The following NELL1 variants were observed in gnomAD, a reference collection of about 807,000 sequenced individuals.
NELL1 encodes protein kinase C-binding protein NELL1.
NELL1 carries 76 observed loss-of-function variants against 107.4 expected under a neutral mutation model. The ratio of observed to expected loss-of-function variants is 0.71; its 90% CI spans 0.59 to 0.86. The LOEUF (loss-of-function observed/expected upper bound fraction) is 0.86, where lower values mean the gene tolerates loss of function less well. Among genes scored for constraint, NELL1 ranks in the 40% least tolerant of loss-of-function variants. The probability of loss-of-function intolerance (pLI) is 0.00; values close to 1 mark genes in which losing one functional copy is unlikely to be tolerated. For missense variants in NELL1, 1,024 were observed against 1,005.5 expected, an observed-to-expected ratio of 1.02 and a Z score of -0.25; for synonymous variants, 353 against 341.2, an observed-to-expected ratio of 1.03 and a Z score of -0.38.
At chr11:21,115,683 A>G (rs1352329653) in intron 13 of NELL1, among the ~76,000 whole-genome samples, 1 of 151,852 alleles carries the variant, frequency 6.6e-6, no homozygotes, top group Non-Finnish European at 1.5e-5. Context: ...TCCCTCCCCT[A>G]TTAGAATGTA....
intron 12 of NELL1, among the ~76,000 whole-genome samples, chr11:20,995,422 T>G (rs1274883973): frequency 1.3e-5 from 2 of 151,852 alleles, no homozygotes; most frequent in Non-Finnish European, 2.9e-5. Flanking sequence ...ACTAAAAATA[T>G]AAAAAATTAG....
chr11:21,444,492 C>G (rs1853369101), intron 15 of NELL1, among the ~76,000 whole-genome samples: 1 of 152,032 alleles, frequency 6.6e-6, no homozygotes, highest in African/African-American at 2.4e-5. Context: ...TGGATATTAG[C>G]ATTATTTTGA....
chr11:20,959,149 T>C (rs1373225763), intron 11 of NELL1, among the ~76,000 whole-genome samples: 1 of 152,142 alleles, frequency 6.6e-6, no homozygotes, highest in Non-Finnish European at 1.5e-5. Context: ...AAGCACACCA[T>C]AGTATACTAA....
At chr11:20,675,527 G>A (rs927692390) in intron 1 of NELL1, among the ~76,000 whole-genome samples, 11 of 152,170 alleles carry the variant, frequency 7.2e-5, no homozygotes, top group East Asian at 1.9e-4. Flanking sequence ...GCACTTGGGC[G>A]ACAGGGGTGC....
intron 3 of NELL1, among the ~76,000 whole-genome samples, chr11:20,818,406 C>CTTTTTTTTTTT (rs57318040): frequency 9.2e-6 from 1 of 108,730 alleles, no homozygotes; most frequent in African/African-American, 3.3e-5. Flanking sequence ...GCAACCCCTG[C>CTTTTTTTTTTT]TTTTTTTTTT....
intron 13 of NELL1, among the ~76,000 whole-genome samples, chr11:21,153,885 G>A (rs896522288): frequency 2.0e-5 from 3 of 152,098 alleles, no homozygotes; most frequent in Admixed American, 2.0e-4. Context: ...AGTGGAGAAC[G>A]TGTTCTTACC....
At position 21,445,636 on chromosome 11, in the gene NELL1, C is replaced by T. The variant is rs536679006; in HGVS notation, c.1645+74688C>T. 7.9e-5 allele frequency among the ~76,000 whole-genome samples: 12 copies of T among 152,274 alleles called. No individual in the cohort carries two copies. In the East Asian group the frequency reaches 2.1e-3, roughly 27 times the overall value. On this transcript the variant is annotated intron_variant, in intron 15 of 19. Coordinates refer to ENST00000357134, the MANE Select transcript of NELL1 (RefSeq NM_006157.5). ...CGTGAGCCACAGCGCCCGGCCTATA[C>T]CAGTGAGTTCTGTACCTTTAGGTGA...
intron 2 of NELL1, among the ~76,000 whole-genome samples, chr11:20,721,181 G>GTGTATATATATATATATATATATATATA (rs1554906545): frequency 6.4e-5 from 8 of 125,838 alleles, no homozygotes; most frequent in African/African-American, 2.9e-4. Flanking sequence ...TATATTTTGT[G>GTGTATATATATATATATATATATATATA]TATATATATA....
chr11:21,369,871 A>G (rs1851318786), intron 14 of NELL1, among the ~76,000 whole-genome samples: 4 of 152,052 alleles, frequency 2.6e-5, no homozygotes, highest in Admixed American at 2.6e-4. Flanking sequence ...TTAGAATGAG[A>G]GTTTTACTAT....
chr11:20,800,435 T>C (rs546564786), intron 3 of NELL1, among the ~76,000 whole-genome samples: 2 of 152,230 alleles, frequency 1.3e-5, no homozygotes, highest in African/African-American at 4.8e-5. Flanking sequence ...GATTTTTCAC[T>C]TCTCTGATTA....
chr11:20,951,080 T>G (rs564440998), intron 11 of NELL1, among the ~76,000 whole-genome samples: 34 of 152,326 alleles, frequency 2.2e-4, no homozygotes, highest in African/African-American at 7.7e-4. Flanking sequence ...AGGACTCTGA[T>G]GAGTCACCTT....
chr11:20,782,527 G>A (rs1305886425), intron 2 of NELL1, among the ~76,000 whole-genome samples: 6 of 152,316 alleles, frequency 3.9e-5, no homozygotes, highest in Admixed American at 6.5e-5. Flanking sequence ...ACTGAGGCCC[G>A]AGGTCAAGAA....
intron 3 of NELL1, among the ~76,000 whole-genome samples, chr11:20,786,658 G>A (rs1241966995): frequency 6.6e-6 from 1 of 151,914 alleles, no homozygotes; most frequent in Non-Finnish European, 1.5e-5. Flanking sequence ...TATCTGAGGG[G>A]CATAAGGCAG....
intron 16 of NELL1, among the ~76,000 whole-genome samples, chr11:21,548,032 A>G (rs190969206): frequency 6.6e-6 from 1 of 152,040 alleles, no homozygotes; most frequent in Admixed American, 6.6e-5. Flanking sequence ...CTGCTAAAAA[A>G]AAATCCTCAA....
intron 12 of NELL1, among the ~76,000 whole-genome samples, chr11:20,973,568 T>C (rs1851544852): frequency 6.6e-6 from 1 of 152,252 alleles, no homozygotes; most frequent in Non-Finnish European, 1.5e-5. Flanking sequence ...TGTGATTCCA[T>C]GGATAAACTT....
At chr11:21,039,814 A>G (rs1853185094) in intron 12 of NELL1, among the ~76,000 whole-genome samples, 1 of 152,154 alleles carries the variant, frequency 6.6e-6, no homozygotes. Flanking sequence ...GTTTGAGGTC[A>G]TTCTGGAGCT....
chr11:21,460,221 G>A (rs544217492), intron 15 of NELL1, among the ~76,000 whole-genome samples: 4 of 152,180 alleles, frequency 2.6e-5, no homozygotes, highest in South Asian at 4.2e-4. Flanking sequence ...AAATGGACAA[G>A]CATCAGGTAA....
chr11:20,961,035 T>C (rs1851279562), intron 12 of NELL1, among the ~76,000 whole-genome samples: 1 of 152,164 alleles, frequency 6.6e-6, no homozygotes, highest in Non-Finnish European at 1.5e-5. Flanking sequence ...TCGTGACTGG[T>C]TCATGCATTG....
Position 20,996,618 on chromosome 11 carries a change from G to A in NELL1, c.1300+36058G>A, listed in dbSNP as rs377418051. 2.0e-3 allele frequency among the ~76,000 whole-genome samples: 301 copies of A among 152,164 alleles called. 1 individual carries two copies. The highest frequency in any genetic ancestry group is 6.6e-3 in the African/African-American group (274 of 41,536). On this transcript the variant is annotated intron_variant, in intron 12 of 19. Coordinates refer to ENST00000357134, the MANE Select transcript of NELL1 (RefSeq NM_006157.5). ...CTCATGGTGGGGATGGGAAACTCTG[G>A]ATCCCTTTCTTCCCATATCAGGAGT...
Sources: gnomAD v4.1 joint callset for allele counts (sites outside exome capture counted in the v4.1 genomes callset) on GRCh38, gnomAD v4.1.1 for gene constraint, MANE v1.5 for transcripts, NCBI Gene and HGNC (gene_info 2026-07-23, HGNC 2026-07-21) for gene names.